The following LINGO2 variants were observed in gnomAD, a reference collection of about 807,000 sequenced individuals.
The protein encoded by LINGO2 is leucine-rich repeat and immunoglobulin-like domain-containing nogo receptor-interacting protein 2.
A neutral mutation model predicts 30.6 loss-of-function variants in LINGO2; 14 were observed. That is an observed-to-expected ratio of 0.46 (90% CI 0.30 to 0.72). The LOEUF is 0.72. LINGO2 is among the 30% of genes least tolerant of loss of function. The pLI, the probability that LINGO2 is intolerant of heterozygous loss-of-function variation, is 0.07. For missense variants in LINGO2, 729 were observed against 751.7 expected, an observed-to-expected ratio of 0.97 and a Z score of 0.35; for synonymous variants, 317 against 288.5, an observed-to-expected ratio of 1.10 and a Z score of -1.00.
At chr9:28,266,466 T>C (rs1822754980) in intron 4 of LINGO2, among the ~76,000 whole-genome samples, 1 of 152,020 alleles carries the variant, frequency 6.6e-6, no homozygotes, top group Non-Finnish European at 1.5e-5. Context: ...CCCAGATTTC[T>C]CTCTCCAAAT....
the LINGO2 span, among the ~76,000 whole-genome samples, chr9:28,697,478 T>C: frequency 7.4e-4 from 112 of 152,016 alleles, no homozygotes; most frequent in African/African-American, 2.2e-3. Context: ...CAAATTGTAC[T>C]ATAATTAATC....
chr9:28,298,627 G>A (rs1273955994), intron 3 of LINGO2, among the ~76,000 whole-genome samples: 1 of 151,046 alleles, frequency 6.6e-6, no homozygotes, highest in Non-Finnish European at 1.5e-5. Flanking sequence ...AGGTTGTGGT[G>A]AGCCGAGATT....
intron 1 of LINGO2, among the ~76,000 whole-genome samples, chr9:28,559,273 A>G (rs1431565975): frequency 6.6e-6 from 1 of 152,060 alleles, no homozygotes; most frequent in African/African-American, 2.4e-5. Context: ...CAAAGTCAAC[A>G]CCTTTTGTGT....
the LINGO2 span, among the ~76,000 whole-genome samples, chr9:28,734,913 A>G: frequency 6.6e-6 from 1 of 152,160 alleles, no homozygotes; most frequent in Non-Finnish European, 1.5e-5. Flanking sequence ...TCTTTTTTGT[A>G]GAGACTATTT....
chr9:28,195,878 CA>C (rs1819993005), intron 4 of LINGO2, among the ~76,000 whole-genome samples: 1 of 151,562 alleles, frequency 6.6e-6, no homozygotes, highest in Non-Finnish European at 1.5e-5. Context: ...TTTATTGTAT[CA>C]ATGTAAAGGT....
chr9:28,662,342 G>T (rs1468348497), intron 1 of LINGO2, among the ~76,000 whole-genome samples: 5 of 152,122 alleles, frequency 3.3e-5, no homozygotes, highest in Non-Finnish European at 1.5e-5. Context: ...CAAGCAAAGG[G>T]AATTGATGCT....
the LINGO2 span, among the ~76,000 whole-genome samples, chr9:29,096,793 A>T: frequency 2.1e-5 from 3 of 140,214 alleles, no homozygotes; most frequent in African/African-American, 8.0e-5. Context: ...TACATGTAGG[A>T]AATACTGGTT....
chr9:28,234,360 G>A (rs949823858), intron 4 of LINGO2, among the ~76,000 whole-genome samples: 2 of 152,140 alleles, frequency 1.3e-5, no homozygotes, highest in Non-Finnish European at 2.9e-5. Flanking sequence ...CTATGTAAAG[G>A]GGAAGGAAGG....
intron 2 of LINGO2, among the ~76,000 whole-genome samples, chr9:28,391,629 G>T (rs1400423412): frequency 6.7e-6 from 1 of 149,158 alleles, no homozygotes; most frequent in Non-Finnish European, 1.5e-5. Flanking sequence ...GTGTGTGTGT[G>T]TGTGATTTAA....
chr9:29,061,985 C>A, the LINGO2 span, among the ~76,000 whole-genome samples: 2 of 151,886 alleles, frequency 1.3e-5, no homozygotes, highest in Non-Finnish European at 2.9e-5. Flanking sequence ...CAACAAAAAA[C>A]AATGTAATTA....
chr9:28,939,311 C>T, the LINGO2 span, among the ~76,000 whole-genome samples: 1 of 152,154 alleles, frequency 6.6e-6, no homozygotes, highest in Admixed American at 6.6e-5. Context: ...GGAATCATTG[C>T]TCACTAACTG....
At chr9:28,362,328 T>C (rs1313482074) in intron 3 of LINGO2, among the ~76,000 whole-genome samples, 2 of 152,156 alleles carry the variant, frequency 1.3e-5, no homozygotes, top group African/African-American at 4.8e-5. Context: ...CTGTTTTGCT[T>C]CAAAAGGATT....
chr9:28,238,162 A>G (rs1231164078), intron 4 of LINGO2, among the ~76,000 whole-genome samples: 1 of 151,214 alleles, frequency 6.6e-6, no homozygotes, highest in African/African-American at 2.4e-5. Context: ...AGAGAGAGAG[A>G]GAGAGAGATC....
chr9:28,958,025 A>AATCTTGTG, the LINGO2 span, among the ~76,000 whole-genome samples: 1 of 152,184 alleles, frequency 6.6e-6, no homozygotes, highest in Non-Finnish European at 1.5e-5. Flanking sequence ...TTTAATGGCA[A>AATCTTGTG]ATCTTGTGAT....
At chr9:28,254,602 G>A (rs777827944) in intron 4 of LINGO2, among the ~76,000 whole-genome samples, 9 of 151,972 alleles carry the variant, frequency 5.9e-5, no homozygotes, top group Non-Finnish European at 1.2e-4. Context: ...CCCATGAGAA[G>A]GTTCACTTCC....
chr9:28,076,935 T>C (rs1825641629), intron 4 of LINGO2, among the ~76,000 whole-genome samples: 1 of 152,156 alleles, frequency 6.6e-6, no homozygotes, highest in Non-Finnish European at 1.5e-5. Flanking sequence ...TTTCATTGTT[T>C]GTTCTGGTTT....
chr9:27,988,135 G>T (rs539766531), intron 5 of LINGO2, among the ~76,000 whole-genome samples: 1 of 151,976 alleles, frequency 6.6e-6, no homozygotes, highest in Non-Finnish European at 1.5e-5. Context: ...AGTTTGCTGA[G>T]AATGATGGTT....
intron 3 of LINGO2, among the ~76,000 whole-genome samples, chr9:28,353,538 C>CT (rs908765759): frequency 2.2e-4 from 34 of 151,640 alleles, no homozygotes; most frequent in African/African-American, 6.8e-4. Flanking sequence ...AATAGGAACA[C>CT]TTTTACACTG....
intron 4 of LINGO2, among the ~76,000 whole-genome samples, chr9:28,280,111 C>A (rs1823266212): frequency 6.6e-6 from 1 of 151,976 alleles, no homozygotes; most frequent in South Asian, 2.1e-4. Context: ...GATGGAATTG[C>A]AGAATCATTT....
Sources: allele counts gnomAD v4.1 joint callset (sites outside exome capture counted in the v4.1 genomes callset), GRCh38; gene constraint gnomAD v4.1.1; transcripts MANE v1.5; gene names NCBI Gene and HGNC (gene_info 2026-07-23, HGNC 2026-07-21).